Variants in CHRM2 observed in about 807,000 individuals in gnomAD.
The protein encoded by CHRM2 is cholinergic receptor muscarinic 2, also known as muscarinic acetylcholine receptor M2.
In CHRM2, 8 loss-of-function variants were observed where a neutral mutation model predicts 25.0. The observed-to-expected ratio is 0.32, with a 90% CI of 0.19 to 0.58. CHRM2 has a LOEUF of 0.58. Ranked by LOEUF, CHRM2 falls within the 20% of genes least tolerant of loss-of-function variation. The probability of loss-of-function intolerance (pLI) is 0.88; values close to 1 mark genes in which losing one functional copy is unlikely to be tolerated. For synonymous variants in CHRM2, 202 were observed against 205.7 expected (o/e 0.98, Z 0.15); for missense variants, 440 against 567.1 (o/e 0.78, Z 2.28).
chr7:136,984,116 T>C (rs1008639123), intron 2 of CHRM2, among the ~76,000 whole-genome samples: 3 of 152,208 alleles, frequency 2.0e-5, no homozygotes, highest in Non-Finnish European at 2.9e-5. Context: ...GGCTGCTGCC[T>C]TTCTTTCAGA....
At chr7:136,926,306 C>G (rs1407005957) in intron 2 of CHRM2, among the ~76,000 whole-genome samples, 5 of 151,800 alleles carry the variant, frequency 3.3e-5, no homozygotes, top group Non-Finnish European at 5.9e-5. Context: ...TAAGATAAAT[C>G]TAACTCAAAT....
In CHRM2 at chr7:136,910,250, G is replaced by A. The variant is rs138373209; in HGVS notation, c.-125+40832G>A. On this transcript the variant is annotated intron_variant, in intron 2 of 3. Coordinates refer to ENST00000680005, the MANE Select transcript of CHRM2 (RefSeq NM_001006630.2). Reference sequence around the variant, plus strand: ...AAGTGTTATTACTTGATAAACTCTCGGCTGATATTAATTACCTACTATTTG... The same window carrying A: ...AAGTGTTATTACTTGATAAACTCTCAGCTGATATTAATTACCTACTATTTG... 1.5e-3 allele frequency among the ~76,000 whole-genome samples: 226 copies of A among 151,742 alleles called. 2 individuals are homozygous for A. The highest frequency in any genetic ancestry group is 4.5e-3 in the African/African-American group (186 of 41,414).
At chr7:136,880,108 C>T (rs1796206483) in intron 2 of CHRM2, among the ~76,000 whole-genome samples, 1 of 149,860 alleles carries the variant, frequency 6.7e-6, no homozygotes, top group Non-Finnish European at 1.5e-5. Context: ...TGTGGTTTAT[C>T]TTAGTGCGTA....
At chr7:136,912,530 G>A (rs976747814) in intron 2 of CHRM2, among the ~76,000 whole-genome samples, 6 of 151,644 alleles carry the variant, frequency 4.0e-5, no homozygotes, top group Non-Finnish European at 7.4e-5. Context: ...TAACAGTACC[G>A]TCACTCTATT....
chr7:136,994,993 A>G (rs1054796854), intron 3 of CHRM2, among the ~76,000 whole-genome samples: 10 of 152,134 alleles, frequency 6.6e-5, no homozygotes, highest in Admixed American at 2.6e-4. Context: ...AATACAATTA[A>G]CTTTAATAAA....
At chr7:136,998,210 T>C (rs933787039) in intron 3 of CHRM2, among the ~76,000 whole-genome samples, 10 of 152,098 alleles carry the variant, frequency 6.6e-5, no homozygotes, top group African/African-American at 2.4e-4. Context: ...CAGATAGCAA[T>C]TTGAATCTAA....
intron 2 of CHRM2, among the ~76,000 whole-genome samples, chr7:136,963,292 T>C (rs1377901267): frequency 6.6e-6 from 1 of 152,168 alleles, no homozygotes; most frequent in African/African-American, 2.4e-5. Flanking sequence ...TTAATACATT[T>C]GTTTTAAAAG....
At chr7:136,931,279 G>A (rs1799089304) in intron 2 of CHRM2, among the ~76,000 whole-genome samples, 1 of 152,282 alleles carries the variant, frequency 6.6e-6, no homozygotes, top group East Asian at 1.9e-4. Flanking sequence ...AAGACAGATA[G>A]AGATTTGTGT....
chr7:136,874,244 G>T (rs1310486659), intron 2 of CHRM2, among the ~76,000 whole-genome samples: 1 of 152,136 alleles, frequency 6.6e-6, no homozygotes, highest in Non-Finnish European at 1.5e-5. Flanking sequence ...CATGTGCTTT[G>T]AAAAGTATAA....
chr7:136,958,029 T>C (rs1374675087), intron 2 of CHRM2, among the ~76,000 whole-genome samples: 4 of 152,348 alleles, frequency 2.6e-5, no homozygotes, highest in South Asian at 2.1e-4. Context: ...TATTATGTAA[T>C]CTATTCCATT....
intron 2 of CHRM2, among the ~76,000 whole-genome samples, chr7:136,949,755 TTG>T (rs201935314): frequency 0.74 from 98,514 of 133,058 alleles, 32,952 homozygotes; most frequent in African/African-American, 0.79. Flanking sequence ...TTTTTTTTTT[TTG>T]GAGACAGAGT....
In CHRM2 at chr7:136,911,454, C is replaced by T. The variant is rs534148786; in HGVS notation, c.-125+42036C>T. Among the ~76,000 whole-genome samples, 10 of 151,980 alleles carry T rather than the reference C, an allele frequency of 6.6e-5. No homozygotes were observed. The South Asian group carries it at 2.1e-3, about 31-fold the overall frequency. On this transcript the variant is annotated intron_variant, in intron 2 of 3. Transcript: ENST00000680005. Reference sequence around the variant, plus strand: ...ATCAGAATACATATTTAGTAACCTGCCCAGTGTCATACAACTAGTTTCTGG... The same window carrying T: ...ATCAGAATACATATTTAGTAACCTGTCCAGTGTCATACAACTAGTTTCTGG...
intron 2 of CHRM2, among the ~76,000 whole-genome samples, chr7:136,962,283 G>A (rs183383687): frequency 5.9e-5 from 9 of 151,766 alleles, no homozygotes; most frequent in East Asian, 1.9e-4. Flanking sequence ...ACAGGCATGC[G>A]CCACCATGCT....
chr7:136,950,424 C>T (rs1018465856), intron 2 of CHRM2, among the ~76,000 whole-genome samples: 2 of 152,066 alleles, frequency 1.3e-5, no homozygotes, highest in Non-Finnish European at 2.9e-5. Flanking sequence ...CAATGACAGG[C>T]TTCCATGGAA....
At position 136,923,965 on chromosome 7, in the gene CHRM2, A is replaced by C. The variant is rs947829346; in HGVS notation, c.-125+54547A>C. 3.9e-5 allele frequency among the ~76,000 whole-genome samples: 6 copies of C among 152,152 alleles called. No individual in the cohort carries two copies. In the South Asian group the frequency reaches 1.2e-3, roughly 32 times the overall value. ...GAGTTTGAGGCTGCAATGACCTATGATCATGCCACTGTTCTCTAGCCTGGG... is the reference window on the plus strand; with the variant it reads ...GAGTTTGAGGCTGCAATGACCTATGCTCATGCCACTGTTCTCTAGCCTGGG... On this transcript the variant is annotated intron_variant, in intron 2 of 3. Transcript: ENST00000680005.
At chr7:137,011,054 T>C (rs1315740359) in intron 3 of CHRM2, among the ~76,000 whole-genome samples, 3 of 152,070 alleles carry the variant, frequency 2.0e-5, no homozygotes, top group East Asian at 1.9e-4. Flanking sequence ...AAGGGAATGA[T>C]AGAAATTGTT....
At chr7:137,013,475 T>A (rs551066849) in intron 3 of CHRM2, among the ~76,000 whole-genome samples, 269 of 152,148 alleles carry the variant, frequency 1.8e-3, no homozygotes, top group African/African-American at 5.8e-3. Context: ...TCCCAAATTT[T>A]AATTTCTCAG....
intron 3 of CHRM2, among the ~76,000 whole-genome samples, chr7:136,998,470 G>T (rs1803756882): frequency 1.3e-5 from 2 of 152,118 alleles, no homozygotes; most frequent in Admixed American, 1.3e-4. Flanking sequence ...CATCATCTCT[G>T]ACCTCTCAGT....
At chr7:137,008,668 T>G (rs1456678173) in intron 3 of CHRM2, among the ~76,000 whole-genome samples, 1 of 151,864 alleles carries the variant, frequency 6.6e-6, no homozygotes, top group Non-Finnish European at 1.5e-5. Flanking sequence ...GTAGGAAGCA[T>G]GTATACTAAG....
Sources: gnomAD v4.1 joint callset for allele counts (sites outside exome capture counted in the v4.1 genomes callset) on GRCh38, gnomAD v4.1.1 for gene constraint, MANE v1.5 for transcripts, NCBI Gene and HGNC (gene_info 2026-07-23, HGNC 2026-07-21) for gene names.